Variants in RSRP1 observed in about 807,000 individuals in gnomAD.
RSRP1 encodes arginine and serine rich protein 1.
RSRP1 carries 37 observed loss-of-function variants against 33.0 expected under a neutral mutation model. The ratio of observed to expected loss-of-function variants is 1.12; its 90% CI spans 0.86 to 1.48. The LOEUF (loss-of-function observed/expected upper bound fraction) is 1.48. Ranked by LOEUF, RSRP1 falls within the 40% of genes most tolerant of loss-of-function variation. The pLI, the probability that RSRP1 is intolerant of heterozygous loss-of-function variation, is 0.00. For missense variants in RSRP1, 402 were observed against 385.3 expected, an observed-to-expected ratio of 1.04 and a Z score of -0.36; for synonymous variants, 167 against 158.7, an observed-to-expected ratio of 1.05 and a Z score of -0.40.
chr1:25,291,377 G>A (rs1340934847), intron 1 of RSRP1, among the ~76,000 whole-genome samples: 1 of 132,346 alleles, frequency 7.6e-6, no homozygotes, highest in Non-Finnish European at 1.8e-5. Context: ...GCTGAGGCAA[G>A]AGAATCGCTT....
intron 1 of RSRP1, among the ~76,000 whole-genome samples, chr1:25,334,283 CAAATCTT>C (rs1645051799): frequency 7.6e-6 from 1 of 131,688 alleles, no homozygotes. Context: ...GTGGGGCAGT[CAAATCTT>C]AAAGCTCCAA....
At chr1:25,279,328 G>A (rs1252040960) in intron 1 of RSRP1, among the ~76,000 whole-genome samples, 1 of 126,076 alleles carries the variant, frequency 7.9e-6, no homozygotes, top group Non-Finnish European at 1.9e-5. Context: ...CTGAGCAGCT[G>A]GCATTGTTTC....
rs1643497956 is a variant in RSRP1 at position 25,302,908 on chromosome 1, C to T, written c.-67+35070G>A. ...CCTGTAATCCCAATATTTTGGGAGGCTGAGGCAAGAGGATTGGTTGAGGCC... is the reference window on the plus strand; with the variant it reads ...CCTGTAATCCCAATATTTTGGGAGGTTGAGGCAAGAGGATTGGTTGAGGCC... On this transcript the variant is annotated intron_variant, in intron 1 of 1. Coordinates refer to the RSRP1 transcript ENST00000561867. Among the ~76,000 whole-genome samples, 3 of 130,686 alleles carry T rather than the reference C, an allele frequency of 2.3e-5. 1 individual carries two copies. The highest frequency in any genetic ancestry group is 5.4e-5 in the Non-Finnish European group (3 of 55,476). 85.7% of individuals were successfully genotyped at this position (130,686 alleles called of 152,430 possible). A position where few individuals can be genotyped will look rare whatever the true frequency, so the allele number is the denominator to read the frequency against.
At chr1:25,338,155 T>C (rs1277590735), upstream of RSRP1, 3 of 152,094 alleles carry the variant, frequency 2.0e-5, no homozygotes, top group South Asian at 2.1e-4. Flanking sequence ...TACTCTCAAA[T>C]GGCGTACTCC....
chr1:25,251,998 C>G (rs1471209792), upstream of RSRP1, among the ~76,000 whole-genome samples: 1 of 151,372 alleles, frequency 6.6e-6, no homozygotes, highest in African/African-American at 2.4e-5. Flanking sequence ...TCAAGTGATT[C>G]CCATGCCCCA....
intron 1 of RSRP1, among the ~76,000 whole-genome samples, chr1:25,283,704 G>A (rs1482156609): frequency 7.5e-6 from 1 of 133,856 alleles, no homozygotes; most frequent in Non-Finnish European, 1.8e-5. Context: ...TAGGCACATG[G>A]TAAACGCTTA....
intron 1 of RSRP1, chr1:25,266,048 ACAAT>A (rs1640300468): frequency 1.7e-5 from 2 of 117,988 alleles, no homozygotes; most frequent in South Asian, 5.4e-4. Context: ...CAAATATACC[ACAAT>A]AATGAAAGCC....
rs1462148036 is a variant in RSRP1, at chr1:25,299,152, C to T, written c.-67+38826G>A. ...ATCCCAGCGCTTTGGGAGGCCAAGG[C>T]GGATGGATCACTTGAGGTCAGGAGT... On this transcript the variant is annotated intron_variant, in intron 1 of 1. Transcript: ENST00000561867. Among the ~76,000 whole-genome samples the T allele has an allele frequency of 1.2e-4, 15 of 123,740 alleles. 2 individuals are homozygous for T. The highest frequency in any genetic ancestry group is 1.0e-3 in the Admixed American group (13 of 12,722). 81.2% of individuals were successfully genotyped at this position (123,740 alleles called of 152,430 possible). A position where few individuals can be genotyped will look rare whatever the true frequency, so the allele number is the denominator to read the frequency against.
At chr1:25,300,535 C>G (rs576349731) in intron 1 of RSRP1, among the ~76,000 whole-genome samples, 1 of 126,312 alleles carries the variant, frequency 7.9e-6, no homozygotes, top group South Asian at 2.4e-4. Context: ...AAAGGCCAGG[C>G]GCAGTGGCTC....
At chr1:25,318,189 T>C (rs983088989) in intron 1 of RSRP1, 1 of 126,816 alleles carries the variant, frequency 7.9e-6, no homozygotes, top group Non-Finnish European at 1.9e-5. Context: ...AGGCGTGGTG[T>C]TGGATCCCAG....
In RSRP1 at chr1:25,270,492, T is replaced by C. The variant is rs1298622402; in HGVS notation, c.-66-23463A>G. On this transcript the variant is annotated intron_variant, in intron 1 of 1. Coordinates refer to the RSRP1 transcript ENST00000561867. ...GAGAGGGATCTAGGTTGCGTGCTCC[T>C]TAGGAGAATCTAACTAATGCCTGAT... Among the ~76,000 whole-genome samples the C allele has an allele frequency of 1.5e-5, 2 of 131,432 alleles. 1 individual carries two copies. The highest frequency in any genetic ancestry group is 3.6e-5 in the Non-Finnish European group (2 of 55,598). The allele number at this position is 131,432 out of a possible 152,430, so 86.2% of individuals were successfully genotyped here. A position where few individuals can be genotyped will look rare whatever the true frequency, so the allele number is the denominator to read the frequency against.
intron 1 of RSRP1, among the ~76,000 whole-genome samples, chr1:25,279,673 G>A (rs61777606): frequency 0.27 from 32,645 of 120,476 alleles, 10,752 homozygotes; most frequent in Middle Eastern, 0.6. Flanking sequence ...GTGGGGTACT[G>A]TCTATCTGTG....
chr1:25,256,237 C>T (rs1639945506), intron 1 of RSRP1, among the ~76,000 whole-genome samples: 1 of 151,608 alleles, frequency 6.6e-6, no homozygotes, highest in African/African-American at 2.4e-5. Context: ...TCACTGCAGC[C>T]TCAACTTCCT....
rs1254649459 is a variant in RSRP1, at chr1:25,310,707, C to G, written c.-67+27271G>C. Among the ~76,000 whole-genome samples, 13 of 132,716 alleles carry G rather than the reference C, an allele frequency of 9.8e-5. 3 individuals are homozygous for G. Among genetic ancestry groups the G allele is most frequent in the African/African-American group, 3.3e-4 (13 of 39,368 alleles). The allele number at this position is 132,716 out of a possible 152,430, so 87.1% of individuals were successfully genotyped here. A position where few individuals can be genotyped will look rare whatever the true frequency, so the allele number is the denominator to read the frequency against. ...GAGCATTATGCCAGGCACGGTGTCT[C>G]AGGCTTATAATCCCAGCACTTTGGG... On this transcript the variant is annotated intron_variant, in intron 1 of 1. Coordinates refer to the RSRP1 transcript ENST00000561867.
rs1289203383 is a variant in RSRP1 at position 25,321,366 on chromosome 1, T to A, written c.-67+16612A>T. Among the ~76,000 whole-genome samples, 11 of 116,018 alleles carry A rather than the reference T, an allele frequency of 9.5e-5. 3 individuals carry two copies. The highest frequency in any genetic ancestry group is 8.3e-4 in the East Asian group (4 of 4,804). 76.1% of individuals were successfully genotyped at this position (116,018 alleles called of 152,430 possible). A position where few individuals can be genotyped will look rare whatever the true frequency, so the allele number is the denominator to read the frequency against. On this transcript the variant is annotated intron_variant, in intron 1 of 1. Coordinates refer to the RSRP1 transcript ENST00000561867. ...CTTTTTTTCAAAAAAAAAAAAAAAATGTCTACAGAATCGGCCAGGTGTGGT... is the reference window on the plus strand; with the variant it reads ...CTTTTTTTCAAAAAAAAAAAAAAAAAGTCTACAGAATCGGCCAGGTGTGGT...
chr1:25,285,887 C>A (rs1641943278), intron 1 of RSRP1, among the ~76,000 whole-genome samples: 1 of 134,592 alleles, frequency 7.4e-6, no homozygotes, highest in Non-Finnish European at 1.8e-5. Flanking sequence ...CCTTCTAAGA[C>A]CCTGCTAAAC....
chr1:25,244,030 C>T, intron 3 of RSRP1: 1 of 1,187,010 alleles, frequency 8.4e-7, no homozygotes, highest in Non-Finnish European at 1.1e-6. Flanking sequence ...ACATCTGGGC[C>T]CAATTACACA....
In RSRP1 at chr1:25,313,062, A is replaced by G. The variant is rs190066100; in HGVS notation, c.-67+24916T>C. ...CATCCCTCAAATTTCATGTGTTGGA[A>G]ACTTAATCTCCAAATTCATATGTTG... On this transcript the variant is annotated intron_variant, in intron 1 of 1. Transcript: ENST00000561867. 3.5e-4 allele frequency among the ~76,000 whole-genome samples: 44 copies of G among 127,462 alleles called. 13 individuals carry two copies. Among genetic ancestry groups the G allele is most frequent in the Non-Finnish European group, 7.6e-4 (41 of 54,010 alleles). 83.6% of individuals were successfully genotyped at this position (127,462 alleles called of 152,430 possible). A position where few individuals can be genotyped will look rare whatever the true frequency, so the allele number is the denominator to read the frequency against.
Position 25,329,449 on chromosome 1 carries a change from G to C in RSRP1, c.-67+8529C>G, listed in dbSNP as rs1172085798. On this transcript the variant is annotated intron_variant, in intron 1 of 1. Coordinates refer to the RSRP1 transcript ENST00000561867. ...GTAAAGATGGGGTTTCACCATGTTG[G>C]CCAGGCTGATCTCAAACTCCTGACC... 5.1e-5 allele frequency: 12 copies of C among 233,640 alleles called. 2 individuals are homozygous for C. Among genetic ancestry groups the C allele is most frequent in the Non-Finnish European group, 8.1e-5 (9 of 110,528 alleles). The allele number at this position is 233,640 out of a possible 1,614,324, so 14.5% of individuals were successfully genotyped here.
Sources: allele counts gnomAD v4.1 joint callset (sites outside exome capture counted in the v4.1 genomes callset), GRCh38; gene constraint gnomAD v4.1.1; transcripts MANE v1.5; gene names NCBI Gene and HGNC (gene_info 2026-07-23, HGNC 2026-07-21).